Variants in SLC14A2 observed in about 807,000 individuals in gnomAD.
SLC14A2 encodes the protein solute carrier family 14 member 2.
Under a neutral mutation model 104.6 loss-of-function variants are expected in SLC14A2, and 91 were observed. That is an observed-to-expected ratio of 0.87 (90% CI 0.73 to 1.04). The LOEUF (loss-of-function observed/expected upper bound fraction) is 1.04, where lower values mean the gene tolerates loss of function less well. SLC14A2 is among the 50% of genes least tolerant of loss of function. The pLI, the probability that SLC14A2 is intolerant of heterozygous loss-of-function variation, is 0.00. For synonymous variants in SLC14A2, 476 were observed against 466.4 expected, an observed-to-expected ratio of 1.02 and a Z score of -0.27; for missense variants, 1,189 against 1,156.0, an observed-to-expected ratio of 1.03 and a Z score of -0.41.
At chr18:45,364,028 A>G (rs1236805219) in intron 1 of SLC14A2, among the ~76,000 whole-genome samples, 1 of 152,132 alleles carries the variant, frequency 6.6e-6, no homozygotes, top group African/African-American at 2.4e-5. Context: ...AACTGTACCC[A>G]TCCTTCCAGT....
chr18:45,247,094 G>A (rs2084374328), intron 1 of SLC14A2, among the ~76,000 whole-genome samples: 1 of 152,158 alleles, frequency 6.6e-6, no homozygotes, highest in South Asian at 2.1e-4. Context: ...AGTTTAATGT[G>A]TAGGTTCTTC....
In SLC14A2 at chr18:45,556,101, C is replaced by T. The variant is rs185510637; in HGVS notation, c.-34-68530C>T. On this transcript the variant is annotated intron_variant, in intron 2 of 20. Coordinates refer to the SLC14A2 transcript ENST00000586448. ...GGCCCTCTTCTGGGTTGCAGACTGCCATTTTCTCCTCGTTACATGCTCATG... is the reference window on the plus strand; with the variant it reads ...GGCCCTCTTCTGGGTTGCAGACTGCTATTTTCTCCTCGTTACATGCTCATG... Among the ~76,000 whole-genome samples the T allele has an allele frequency of 2.0e-5, 3 of 152,276 alleles. No individual in the cohort carries two copies. The East Asian group carries it at 5.8e-4, about 29-fold the overall frequency.
intron 2 of SLC14A2, among the ~76,000 whole-genome samples, chr18:45,536,019 A>T (rs2043775208): frequency 6.6e-6 from 1 of 152,254 alleles, no homozygotes; most frequent in South Asian, 2.1e-4. Flanking sequence ...AACTGTGAAT[A>T]AAAAAGCCAG....
At chr18:45,462,997 C>T (rs1024097388) in intron 1 of SLC14A2, among the ~76,000 whole-genome samples, 1 of 152,140 alleles carries the variant, frequency 6.6e-6, no homozygotes, top group East Asian at 1.9e-4. Context: ...TTGTTTCCCT[C>T]GGAGTGATCA....
intron 1 of SLC14A2, among the ~76,000 whole-genome samples, chr18:45,223,250 C>T (rs1008071982): frequency 6.6e-6 from 1 of 152,112 alleles, no homozygotes; most frequent in Admixed American, 6.6e-5. Flanking sequence ...TCGCTGGGAG[C>T]TCACAATCAC....
chr18:45,638,733 C>A (rs1380032078), intron 6 of SLC14A2, among the ~76,000 whole-genome samples: 1 of 152,186 alleles, frequency 6.6e-6, no homozygotes, highest in Non-Finnish European at 1.5e-5. Context: ...TCACAGAGGT[C>A]ATGTGACCTG....
At chr18:45,397,288 A>G (rs550008982) in intron 1 of SLC14A2, among the ~76,000 whole-genome samples, 2 of 152,234 alleles carry the variant, frequency 1.3e-5, no homozygotes, top group East Asian at 1.9e-4. Context: ...CCAACACCAT[A>G]TGTATTCCCT....
intron 2 of SLC14A2, among the ~76,000 whole-genome samples, chr18:45,508,836 G>C (rs2043323917): frequency 2.0e-5 from 3 of 152,070 alleles, no homozygotes; most frequent in South Asian, 4.2e-4. Flanking sequence ...CCTACTCCAG[G>C]GAATTAACAA....
chr18:45,279,967 T>C (rs895910956), intron 1 of SLC14A2, among the ~76,000 whole-genome samples: 1 of 152,162 alleles, frequency 6.6e-6, no homozygotes, highest in Non-Finnish European at 1.5e-5. Flanking sequence ...CTCTACTCAC[T>C]CGGTGCCAGA....
chr18:45,477,701 G>C (rs2087410336), intron 1 of SLC14A2, among the ~76,000 whole-genome samples: 1 of 152,216 alleles, frequency 6.6e-6, no homozygotes, highest in Admixed American at 6.5e-5. Context: ...GGAATTTAGA[G>C]AAGCAGTCTG....
chr18:45,231,607 C>A (rs11082434), intron 1 of SLC14A2, among the ~76,000 whole-genome samples: 22,696 of 152,136 alleles, frequency 0.15, 2,221 homozygotes, highest in African/African-American at 0.29. Context: ...CCATTCCTTT[C>A]TCATCATTAA....
chr18:45,182,927 G>T, the SLC14A2 span, among the ~76,000 whole-genome samples: 33 of 152,088 alleles, frequency 2.2e-4, no homozygotes, highest in Admixed American at 1.8e-3. Context: ...AGATTGCCAA[G>T]AAATTTTTTT....
intron 1 of SLC14A2, among the ~76,000 whole-genome samples, chr18:45,422,509 G>A (rs997972069): frequency 1.3e-5 from 2 of 152,176 alleles, no homozygotes; most frequent in East Asian, 3.9e-4. Context: ...AGCGTGAGGT[G>A]GAAGGGGAGG....
chr18:45,329,192 T>A (rs2085265615), intron 1 of SLC14A2, among the ~76,000 whole-genome samples: 1 of 152,230 alleles, frequency 6.6e-6, no homozygotes, highest in Non-Finnish European at 1.5e-5. Flanking sequence ...TGATTGCCAA[T>A]GTCTTATTTC....
intron 1 of SLC14A2, among the ~76,000 whole-genome samples, chr18:45,413,512 T>A (rs771150764): frequency 6.6e-6 from 1 of 152,194 alleles, no homozygotes; most frequent in African/African-American, 2.4e-5. Flanking sequence ...TTCTTTCTCC[T>A]CATCTGGACT....
chr18:45,175,110 C>T, the SLC14A2 span, among the ~76,000 whole-genome samples: 1 of 152,072 alleles, frequency 6.6e-6, no homozygotes, highest in African/African-American at 2.4e-5. Context: ...ACCTGTAATC[C>T]CAGTCCTGGG....
At chr18:45,325,548 A>G (rs946536796) in intron 1 of SLC14A2, among the ~76,000 whole-genome samples, 5 of 152,198 alleles carry the variant, frequency 3.3e-5, no homozygotes, top group Admixed American at 3.3e-4. Flanking sequence ...TTTGGTTAAT[A>G]TTTGATGAAC....
At chr18:45,281,973 C>T (rs1784250052) in intron 1 of SLC14A2, among the ~76,000 whole-genome samples, 1 of 152,158 alleles carries the variant, frequency 6.6e-6, no homozygotes. Context: ...TACTTGCAGC[C>T]TCCTCCTTTC....
intron 1 of SLC14A2, among the ~76,000 whole-genome samples, chr18:45,324,558 A>C (rs1599675479): frequency 6.9e-5 from 10 of 144,788 alleles, no homozygotes; most frequent in South Asian, 2.3e-4. Context: ...CCCTCACCCC[A>C]CCCCCTGGGG....
Sources: gnomAD v4.1 joint callset for allele counts (sites outside exome capture counted in the v4.1 genomes callset) on GRCh38, gnomAD v4.1.1 for gene constraint, MANE v1.5 for transcripts, NCBI Gene and HGNC (gene_info 2026-07-23, HGNC 2026-07-21) for gene names.